FAF1: variants seen among roughly 807,000 people sequenced by gnomAD.
The protein encoded by FAF1 is Fas associated factor 1.
Under a neutral mutation model 92.5 loss-of-function variants are expected in FAF1, and 25 were observed. That is an observed-to-expected ratio of 0.27 (90% CI 0.20 to 0.38). The LOEUF is 0.38. FAF1 is among the 10% of genes least tolerant of loss of function. The pLI is 1.00. For missense variants in FAF1, 636 were observed against 793.3 expected (o/e 0.80, Z 2.38); for synonymous variants, 234 against 273.2 (o/e 0.86, Z 1.42).
At chr1:50,562,297 T>C (rs1030091580) in intron 13 of FAF1, among the ~76,000 whole-genome samples, 1 of 152,212 alleles carries the variant, frequency 6.6e-6, no homozygotes, top group South Asian at 2.1e-4. Context: ...TAACAAAACA[T>C]CTTCTTTGGA....
chr1:50,463,143 T>C (rs957885779), intron 18 of FAF1, among the ~76,000 whole-genome samples: 9 of 152,160 alleles, frequency 5.9e-5, no homozygotes, highest in African/African-American at 2.2e-4. Flanking sequence ...TCTGGCAGAG[T>C]ATACCTATGT....
At chr1:50,592,623 T>C (rs573722370) in intron 9 of FAF1, among the ~76,000 whole-genome samples, 10 of 152,212 alleles carry the variant, frequency 6.6e-5, no homozygotes, top group Admixed American at 4.6e-4. Flanking sequence ...ATTTCCTTCC[T>C]AACTCAAAGT....
chr1:50,816,455 C>T (rs752087564), intron 2 of FAF1, among the ~76,000 whole-genome samples: 4 of 151,956 alleles, frequency 2.6e-5, no homozygotes, highest in Non-Finnish European at 4.4e-5. Flanking sequence ...CCTTCCGCCT[C>T]GGCCTCCCAA....
In FAF1 at chr1:50,880,792, G is replaced by A. The variant is rs928057829; in HGVS notation, c.46-22795C>T. Among the ~76,000 whole-genome samples the A allele has an allele frequency of 9.9e-5, 15 of 152,260 alleles. No individual in the cohort carries two copies. The East Asian group carries it at 2.7e-3, about 27-fold the overall frequency. On this transcript the variant is annotated intron_variant, in intron 1 of 18. Coordinates refer to ENST00000396153, the MANE Select transcript of FAF1 (RefSeq NM_007051.3). The stretch of plus-strand genomic sequence containing the variant: ...GTAGGGCAGAACAAAAAGAGAATAA[G>A]TTTGACTTACAATATTATAAATTTC...
chr1:50,560,236 T>G (rs1031162679), intron 13 of FAF1, among the ~76,000 whole-genome samples: 1 of 152,206 alleles, frequency 6.6e-6, no homozygotes, highest in African/African-American at 2.4e-5. Flanking sequence ...GGAAAGTACA[T>G]GTGAAGACAG....
At chr1:50,950,322 G>A (rs6668495) in intron 1 of FAF1, among the ~76,000 whole-genome samples, 46,559 of 152,176 alleles carry the variant, frequency 0.31, 7,438 homozygotes, top group Middle Eastern at 0.5. Flanking sequence ...CCACCTAGCA[G>A]GCATTCAAAC....
chr1:50,823,751 C>T (rs368148104), intron 2 of FAF1, among the ~76,000 whole-genome samples: 1 of 151,402 alleles, frequency 6.6e-6, no homozygotes, highest in South Asian at 2.1e-4. Context: ...GATTACCCAG[C>T]GAAAACAGTT....
intron 1 of FAF1, among the ~76,000 whole-genome samples, chr1:50,953,515 A>G (rs1346425437): frequency 1.3e-5 from 2 of 152,160 alleles, no homozygotes; most frequent in Admixed American, 6.5e-5. Context: ...CAGTGGGTGG[A>G]TCAACTGAGG....
At chr1:50,959,014 C>A (rs748727945) in intron 1 of FAF1, among the ~76,000 whole-genome samples, 15 of 152,228 alleles carry the variant, frequency 9.9e-5, no homozygotes, top group Non-Finnish European at 1.5e-4. Flanking sequence ...AAGATACTTA[C>A]ATGTCAGTGG....
chr1:50,486,920 C>A (rs766247961), intron 17 of FAF1, among the ~76,000 whole-genome samples: 1 of 152,144 alleles, frequency 6.6e-6, no homozygotes, highest in African/African-American at 2.4e-5. Flanking sequence ...ATATATTTCA[C>A]GCATTTCTCT....
rs1653682640 is a variant in FAF1, at chr1:50,629,885, C to A, written c.744+25557G>T. Among the ~76,000 whole-genome samples the A allele has an allele frequency of 3.9e-5, 6 of 152,102 alleles. 1 individual carries two copies. In the South Asian group the frequency reaches 1.2e-3, roughly 32 times the overall value. On this transcript the variant is annotated intron_variant, in intron 8 of 18. Transcript: ENST00000396153. ...ACCAGCCTGACCAACATGGAGAAAC[C>A]CCATCTCTACTAAAAATACAAAATT...
At chr1:50,554,583 G>A (rs1467139591) in intron 13 of FAF1, among the ~76,000 whole-genome samples, 5 of 151,980 alleles carry the variant, frequency 3.3e-5, no homozygotes, top group South Asian at 2.1e-4. Context: ...GTTACAAAAC[G>A]AAAGAGGAAG....
intron 17 of FAF1, among the ~76,000 whole-genome samples, chr1:50,488,862 C>T (rs1202373835): frequency 6.6e-6 from 1 of 152,182 alleles, no homozygotes; most frequent in African/African-American, 2.4e-5. Context: ...AGAAGACATT[C>T]AACAAAATAT....
At chr1:50,918,559 A>G (rs1644938740) in intron 1 of FAF1, among the ~76,000 whole-genome samples, 6 of 34,112 alleles carry the variant, frequency 1.8e-4, no homozygotes, top group Non-Finnish European at 5.6e-5. Context: ...TCCATGGTGT[A>G]TATGTGCCAC....
intron 16 of FAF1, 24 bp from the exon 17 acceptor site, chr1:50,490,689 C>T (rs760602552): frequency 7.0e-7 from 1 of 1,420,444 alleles, no homozygotes; most frequent in Admixed American, 1.7e-5. Flanking sequence ...AGAAAAGGAA[C>T]AAGCACTTAA....
intron 17 of FAF1, among the ~76,000 whole-genome samples, chr1:50,485,667 C>CAAAAAAAAAAAAAAAAAAAA (rs999538430): frequency 8.0e-4 from 11 of 13,714 alleles, no homozygotes; most frequent in Non-Finnish European, 1.4e-3. Flanking sequence ...GAGACTGTCT[C>CAAAAAAAAAAAAAAAAAAAA]AAAAAAAAAA....
chr1:50,741,662 G>T (rs1338177586), intron 5 of FAF1, among the ~76,000 whole-genome samples: 2 of 152,168 alleles, frequency 1.3e-5, no homozygotes, highest in Admixed American at 6.5e-5. Flanking sequence ...ACTAAAAAGT[G>T]GCCATGGTTG....
intron 4 of FAF1, among the ~76,000 whole-genome samples, chr1:50,782,182 TG>T (rs776844241): frequency 1.9e-4 from 29 of 152,340 alleles, no homozygotes; most frequent in Non-Finnish European, 3.5e-4. Context: ...ACTTTCTTTT[TG>T]TTTTTTTTAA....
At chr1:50,724,304 C>CATAT (rs1553132421) in intron 6 of FAF1, among the ~76,000 whole-genome samples, 1 of 138,440 alleles carries the variant, frequency 7.2e-6, no homozygotes, top group Non-Finnish European at 1.6e-5. Context: ...CATACACACA[C>CATAT]ACACACACAC....
Sources: allele counts gnomAD v4.1 joint callset (sites outside exome capture counted in the v4.1 genomes callset), GRCh38; gene constraint gnomAD v4.1.1; transcripts MANE v1.5; gene names NCBI Gene and HGNC (gene_info 2026-07-23, HGNC 2026-07-21).